Variants in SLC12A7 observed in about 807,000 individuals in gnomAD.
SLC12A7 encodes the protein K-Cl cotransporter 4.
SLC12A7 carries 100 observed loss-of-function variants against 120.6 expected under a neutral mutation model. That is an observed-to-expected ratio of 0.83 (90% CI 0.71 to 0.98). SLC12A7 has a LOEUF of 0.98. Ranked by LOEUF, SLC12A7 falls within the 50% of genes least tolerant of loss-of-function variation. The probability of loss-of-function intolerance (pLI) is 0.00; values close to 1 mark genes in which losing one functional copy is unlikely to be tolerated. For missense variants in SLC12A7, 1,373 were observed against 1,548.1 expected (o/e 0.89, Z 1.90); for synonymous variants, 760 against 678.0 (o/e 1.12, Z -1.88).
rs1323591880 is a variant in SLC12A7, at chr5:1,051,678, C to G, written c.*682G>C. ...TGATGAACTGAACGTGTTCACCACA[C>G]ACCCGACAGATGATCCACCACGTTC... On this transcript the variant is annotated 3_prime_UTR_variant, in exon 24 of 24. Transcript: ENST00000264930. 6.6e-6 allele frequency: 1 copy of G among 152,434 alleles called. No individual in the cohort carries two copies. The highest frequency in any genetic ancestry group is 2.4e-5 in the African/African-American group (1 of 41,482). The allele number at this position is 152,434 out of a possible 1,614,324, so 9.4% of individuals were successfully genotyped here. A position where few individuals can be genotyped will look rare whatever the true frequency, so the allele number is the denominator to read the frequency against.
At chr5:1,141,518 G>T in the SLC12A7 span, among the ~76,000 whole-genome samples, 3 of 152,196 alleles carry the variant, frequency 2.0e-5, no homozygotes, top group African/African-American at 7.2e-5. Flanking sequence ...CTCTCCCCTG[G>T]CTTGTTTTCT....
At chr5:1,073,590 G>A (rs1267204848) in intron 17 of SLC12A7, 43 bp downstream of exon 17, 33 of 1,562,380 alleles carry the variant, frequency 2.1e-5, no homozygotes, top group Non-Finnish European at 2.5e-5. Flanking sequence ...CTGTGCAGCT[G>A]GGGTGGGAAA....
At chr5:1,077,812 C>T (rs767015128) in intron 12 of SLC12A7, 21 bp downstream of exon 12, 109 of 1,552,396 alleles carry the variant, frequency 7.0e-5, no homozygotes, top group Non-Finnish European at 8.5e-5. Context: ...AGGGTCCCCC[C>T]GACGAGGGTG....
At chr5:1,077,781 A>C in intron 12 of SLC12A7, 52 bp downstream of exon 12, 1 of 1,486,252 alleles carries the variant, frequency 6.7e-7, no homozygotes, top group Non-Finnish European at 9.0e-7. Flanking sequence ...AGGGGAGGAG[A>C]GCCCCCGACC....
chr5:1,111,645 G>A (rs971379738), intron 1 of SLC12A7, among the ~76,000 whole-genome samples: 6 of 152,154 alleles, frequency 3.9e-5, no homozygotes, highest in African/African-American at 1.4e-4. Context: ...GGTCCCACCC[G>A]AGCTGACCGT....
the SLC12A7 span, among the ~76,000 whole-genome samples, chr5:1,133,837 T>C: frequency 6.6e-6 from 1 of 152,120 alleles, no homozygotes; most frequent in African/African-American, 2.4e-5. Flanking sequence ...GGGAGCCAAG[T>C]TATTTCCCTG....
chr5:1,143,033 G>A, the SLC12A7 span, among the ~76,000 whole-genome samples: 3 of 152,002 alleles, frequency 2.0e-5, no homozygotes, highest in Non-Finnish European at 2.9e-5. Context: ...TTCCCGTGCC[G>A]GGCACCACAG....
At chr5:1,134,059 G>A in the SLC12A7 span, among the ~76,000 whole-genome samples, 1 of 152,204 alleles carries the variant, frequency 6.6e-6, no homozygotes, top group African/African-American at 2.4e-5. Context: ...CCAGAGCCTA[G>A]TACAAGCCCA....
Position 1,069,870 on chromosome 5 carries a change from G to A in SLC12A7, c.2241+3763C>T, listed in dbSNP as rs113774884. 6.9e-3 allele frequency among the ~76,000 whole-genome samples: 1,050 copies of A among 152,186 alleles called. 5 individuals are homozygous for A. The highest frequency in any genetic ancestry group is 0.019 in the African/African-American group (803 of 41,484). On this transcript the variant is annotated intron_variant, in intron 17 of 23. Coordinates refer to ENST00000264930, the MANE Select transcript of SLC12A7 (RefSeq NM_006598.3). ...CAGACCCCGATGTCCTGGGGCAGCC[G>A]ACTGCAGCAGCAGGGCTCAGAGCTG...
intron 17 of SLC12A7, among the ~76,000 whole-genome samples, chr5:1,069,132 A>C (rs1737365857): frequency 6.6e-6 from 1 of 152,262 alleles, no homozygotes; most frequent in Non-Finnish European, 1.5e-5. Flanking sequence ...CCGTCAGGGA[A>C]AGGGAAGGCC....
intron 21 of SLC12A7, among the ~76,000 whole-genome samples, chr5:1,059,652 G>GAT (rs1735980164): frequency 1.3e-5 from 2 of 152,122 alleles, no homozygotes; most frequent in Admixed American, 6.5e-5. Flanking sequence ...GTATAACTCA[G>GAT]GTGGATACAC....
At chr5:1,092,998 C>T (rs966554029) in intron 3 of SLC12A7, among the ~76,000 whole-genome samples, 2 of 152,164 alleles carry the variant, frequency 1.3e-5, no homozygotes, top group African/African-American at 2.4e-5. Context: ...CACCTCGTCA[C>T]CCACAGAAAC....
chr5:1,076,890 G>C, intron 12 of SLC12A7, 78 bp from the exon 13 acceptor site: 4 of 979,454 alleles, frequency 4.1e-6, no homozygotes, highest in South Asian at 3.9e-5. Context: ...GTCAGGTCTA[G>C]CCCAGATGAA....
chr5:1,073,864 G>C, intron 16 of SLC12A7, 63 bp from the exon 17 acceptor site: 1 of 1,325,534 alleles, frequency 7.5e-7, no homozygotes, highest in Non-Finnish European at 9.7e-7. Flanking sequence ...CCCATCAACA[G>C]GCAGGGCAGA....
chr5:1,104,742 C>T (rs941786762), intron 1 of SLC12A7, among the ~76,000 whole-genome samples: 1 of 152,224 alleles, frequency 6.6e-6, no homozygotes, highest in African/African-American at 2.4e-5. Flanking sequence ...AAACAAACCA[C>T]CCCAGGTCCA....
intron 1 of SLC12A7, among the ~76,000 whole-genome samples, chr5:1,109,412 G>A (rs1460343987): frequency 1.3e-5 from 2 of 152,180 alleles, no homozygotes; most frequent in Non-Finnish European, 2.9e-5. Context: ...ACCCCACTGA[G>A]AAACTGAGGG....
chr5:1,058,246 G>A lies in SLC12A7; in HGVS notation c.2848-597C>T, dbSNP rs140942933. Among the ~76,000 whole-genome samples the A allele has an allele frequency of 1.7e-3, 264 of 152,362 alleles. 7 individuals carry two copies. The East Asian group carries it at 0.048, about 27-fold the overall frequency. On this transcript the variant is annotated intron_variant, in intron 21 of 23. Transcript: ENST00000264930. Reference sequence around the variant, plus strand: ...ACCGTCCACGCCCCTAGCTGTAGGCGCCGAAGGGGAAGTGGCGCCCTCACC... The same window carrying A: ...ACCGTCCACGCCCCTAGCTGTAGGCACCGAAGGGGAAGTGGCGCCCTCACC...
the SLC12A7 span, among the ~76,000 whole-genome samples, chr5:1,138,220 T>G: frequency 0.47 from 71,810 of 151,924 alleles, 17,548 homozygotes; most frequent in African/African-American, 0.58. Context: ...ACCTTCCACA[T>G]CATTGAAATG....
intron 12 of SLC12A7, among the ~76,000 whole-genome samples, chr5:1,077,409 G>A (rs1738482024): frequency 6.6e-6 from 1 of 152,216 alleles, no homozygotes; most frequent in African/African-American, 2.4e-5. Context: ...CAGGACCCAT[G>A]CGGGCGTCCG....
Sources: gnomAD v4.1 joint callset for allele counts (sites outside exome capture counted in the v4.1 genomes callset) on GRCh38, gnomAD v4.1.1 for gene constraint, MANE v1.5 for transcripts, NCBI Gene and HGNC (gene_info 2026-07-23, HGNC 2026-07-21) for gene names.